MFF: variants seen among roughly 807,000 people sequenced by gnomAD.
MFF encodes the protein chromosome 2 open reading frame 33.
Under a neutral mutation model 36.9 loss-of-function variants are expected in MFF, and 12 were observed. The ratio of observed to expected loss-of-function variants is 0.33; its 90% CI spans 0.21 to 0.53. MFF has a LOEUF of 0.53. Ranked by LOEUF, MFF falls within the 20% of genes least tolerant of loss-of-function variation. MFF has a pLI of 0.95. For synonymous variants in MFF, 99 were observed against 126.2 expected (o/e 0.78, Z 1.44); for missense variants, 348 against 366.6 (o/e 0.95, Z 0.42).
At chr2:227,330,404 T>G in intron 2 of MFF, 1 of 517,488 alleles carries the variant, frequency 1.9e-6, no homozygotes, top group Non-Finnish European at 3.4e-6. Context: ...AATTTGCTCC[T>G]AAGCAATATC....
chr2:227,350,384 A>G (rs1427510737), intron 6 of MFF, among the ~76,000 whole-genome samples: 2 of 152,188 alleles, frequency 1.3e-5, no homozygotes, highest in Non-Finnish European at 2.9e-5. Context: ...GTTCCTGTGT[A>G]AGAACCTTAT....
intron 5 of MFF, chr2:227,347,020 G>T (rs1007876883): frequency 6.4e-6 from 3 of 466,588 alleles, no homozygotes; most frequent in Admixed American, 3.4e-5. Flanking sequence ...GATGTTTAGG[G>T]TTACAAAGTT....
At chr2:227,342,771 G>A (rs2075469191) in intron 5 of MFF, 1 of 1,613,648 alleles carries the variant, frequency 6.2e-7, no homozygotes, top group Non-Finnish European at 8.5e-7. Context: ...TCTGCCCCAA[G>A]AAATAAAATT....
At chr2:227,329,426 T>C (rs2074408282) in intron 2 of MFF, 5 of 291,934 alleles carry the variant, frequency 1.7e-5, no homozygotes, top group Non-Finnish European at 3.2e-5. Flanking sequence ...CAACTGTCTT[T>C]ATGATTTTTG....
intron 6 of MFF, 71 bp from the exon 7 acceptor site, chr2:227,352,443 T>C: frequency 1.9e-6 from 2 of 1,080,586 alleles, no homozygotes; most frequent in Non-Finnish European, 2.8e-6. Context: ...TGTCTTGTTT[T>C]TGCTTTTATT....
rs2076224221 is a variant in MFF, at chr2:227,355,743, A to G, written c.726A>G (p.Ala242=). ...GTSDDLTVVD[A]ASLRRQIIKL... ...CAGATGACCTGACTGTTGTAGATGCAGCTTCACTAAGACGACAGGTATTTA... is the reference window on the plus strand; with the variant it reads ...CAGATGACCTGACTGTTGTAGATGCGGCTTCACTAAGACGACAGGTATTTA... Residue 242 remains alanine (A), a synonymous_variant, in exon 8 of 9, where the codon GCA becomes GCG. Coordinates refer to ENST00000304593, the MANE Select transcript of MFF (RefSeq NM_001277062.2). The G allele has an allele frequency of 1.2e-6, 2 of 1,606,492 alleles. No homozygotes were observed. The highest frequency in any genetic ancestry group is 1.7e-5 in the Admixed American group (1 of 59,952).
intron 1 of MFF, among the ~76,000 whole-genome samples, chr2:227,326,317 A>G (rs572456093): frequency 5.3e-5 from 8 of 152,010 alleles, no homozygotes; most frequent in African/African-American, 1.9e-4. Flanking sequence ...TAAGATGATC[A>G]CAAATGTTTT....
intron 5 of MFF, chr2:227,342,824 G>A: frequency 6.2e-7 from 1 of 1,611,400 alleles, no homozygotes; most frequent in Non-Finnish European, 8.5e-7. Flanking sequence ...GTACACGTAA[G>A]ATTTTATCTG....
intron 4 of MFF, among the ~76,000 whole-genome samples, chr2:227,336,501 A>G (rs1392987163): frequency 6.6e-6 from 1 of 152,248 alleles, no homozygotes; most frequent in African/African-American, 2.4e-5. Flanking sequence ...GTTGGCATAT[A>G]TAAAATCTGA....
intron 4 of MFF, among the ~76,000 whole-genome samples, chr2:227,335,591 A>C (rs1466242594): frequency 6.6e-6 from 1 of 152,216 alleles, no homozygotes; most frequent in East Asian, 1.9e-4. Context: ...CCCCTACTGA[A>C]AACCACTGAC....
chr2:227,333,537 A>G (rs750750932), intron 4 of MFF, among the ~76,000 whole-genome samples: 44 of 152,364 alleles, frequency 2.9e-4, no homozygotes, highest in Non-Finnish European at 3.7e-4. Context: ...TATGCAGTAT[A>G]GGAATTAATG....
At chr2:227,354,825 G>T (rs2076179647) in intron 7 of MFF, among the ~76,000 whole-genome samples, 1 of 152,162 alleles carries the variant, frequency 6.6e-6, no homozygotes, top group Non-Finnish European at 1.5e-5. Context: ...TTTTATAATT[G>T]TTTCTGCGGG....
intron 6 of MFF, among the ~76,000 whole-genome samples, chr2:227,350,926 C>T (rs1377262663): frequency 6.6e-6 from 1 of 152,100 alleles, no homozygotes; most frequent in Admixed American, 6.6e-5. Context: ...ATATATGTGT[C>T]AATTGCCAGT....
At chr2:227,345,699 G>T (rs1427265125) in intron 5 of MFF, among the ~76,000 whole-genome samples, 4 of 152,150 alleles carry the variant, frequency 2.6e-5, no homozygotes, top group Non-Finnish European at 4.4e-5. Flanking sequence ...TTGTTTGTTT[G>T]TTTATTTGTT....
At chr2:227,325,795 G>A (rs998550410) in intron 1 of MFF, 2 of 152,314 alleles carry the variant, frequency 1.3e-5, no homozygotes, top group African/African-American at 4.8e-5. Context: ...GGGCTTTGCA[G>A]GTCTTCACTC....
At chr2:227,342,670 C>T in intron 5 of MFF, 1 of 1,223,994 alleles carries the variant, frequency 8.2e-7, no homozygotes, top group South Asian at 1.3e-5. Context: ...GAATTCTAAA[C>T]AGTAAAATCA....
At chr2:227,348,521 G>A (rs1039567035) in intron 6 of MFF, among the ~76,000 whole-genome samples, 1 of 152,160 alleles carries the variant, frequency 6.6e-6, no homozygotes, top group Non-Finnish European at 1.5e-5. Context: ...ACATGTATAT[G>A]TATAGATCTG....
chr2:227,332,559 A>G lies in MFF; in HGVS notation c.322A>G (p.Arg108Gly), dbSNP rs765998178. 7.4e-6 allele frequency: 12 copies of G among 1,613,148 alleles called. No individual in the cohort carries two copies. Among genetic ancestry groups the G allele is most frequent in the Non-Finnish European group, 1.0e-5 (12 of 1,179,366 alleles). ...ACCACTAGATTTTCTGGATTTAGAA[A>G]GACCTCCTACAACCCCTCAAAATGA... Reference protein sequence around the residue: ...ERPLDFLDLERPPTTPQNEEI... With the variant: ...ERPLDFLDLEGPPTTPQNEEI... The change falls in exon 4 of 9, where the codon AGA becomes GGA. Residue 108 changes from arginine (R) to glycine (G), a missense_variant. Arg to Gly is a moderately radical substitution (Grantham distance 125). Transcript: ENST00000304593.
intron 6 of MFF, chr2:227,351,786 C>G (rs973469916): frequency 1.3e-5 from 2 of 152,244 alleles, no homozygotes; most frequent in African/African-American, 4.8e-5. Context: ...AAATCCCCAC[C>G]AAGTTTCCCA....
Sources: gnomAD v4.1 joint callset for allele counts (sites outside exome capture counted in the v4.1 genomes callset) on GRCh38, gnomAD v4.1.1 for gene constraint, MANE v1.5 for transcripts, NCBI Gene and HGNC (gene_info 2026-07-23, HGNC 2026-07-21) for gene names.